The following PALM variants were observed in gnomAD, a reference collection of about 807,000 sequenced individuals.
PALM encodes the protein paralemmin.
PALM carries 18 observed loss-of-function variants against 30.7 expected under a neutral mutation model. The observed-to-expected ratio is 0.59, with a 90% CI of 0.41 to 0.87. PALM has a LOEUF of 0.87. Among genes scored for constraint, PALM ranks in the 40% least tolerant of loss-of-function variants. The probability of loss-of-function intolerance (pLI) is 0.00; values close to 1 mark genes in which losing one functional copy is unlikely to be tolerated. For missense variants in PALM, 529 were observed against 555.4 expected, an observed-to-expected ratio of 0.95 and a Z score of 0.48; for synonymous variants, 286 against 242.8, an observed-to-expected ratio of 1.18 and a Z score of -1.66.
chr19:713,747 T>G (rs2032160615), intron 1 of PALM, among the ~76,000 whole-genome samples: 1 of 151,374 alleles, frequency 6.6e-6, no homozygotes, highest in South Asian at 2.1e-4. Flanking sequence ...CCTGGCTAAT[T>G]TTTTGTATAT....
chr19:735,126 C>T (rs998769250), intron 6 of PALM: 3 of 711,198 alleles, frequency 4.2e-6, no homozygotes, highest in South Asian at 5.1e-5. Context: ...TGTGTCTGTG[C>T]GGGGCCTGTG....
Position 709,917 on chromosome 19 carries a change from G to T in PALM, c.5+766G>T, listed in dbSNP as rs934358407. Among the ~76,000 whole-genome samples the T allele has an allele frequency of 6.6e-6, 1 of 152,124 alleles. No homozygotes were observed. The highest frequency in any genetic ancestry group is 2.4e-5 in the African/African-American group (1 of 41,440). ...ATGGCTGCGCCTGTGTGTGTGGGGG[G>T]GGGGTGGCCAGTGGAGGCACCGAGC... On this transcript the variant is annotated intron_variant, in intron 1 of 8. Transcript: ENST00000338448. This position sits in a 1 kb window ranked among gnomAD's most constrained non-coding sequence, Gnocchi z 4.3.
intron 7 of PALM, among the ~76,000 whole-genome samples, chr19:739,975 A>T (rs964562271): frequency 6.6e-6 from 1 of 152,230 alleles, no homozygotes; most frequent in Non-Finnish European, 1.5e-5. Flanking sequence ...CAAAAAAATT[A>T]AAAAGATCCG....
intron 8 of PALM, 44 bp downstream of exon 8, chr19:740,527 G>C: frequency 6.6e-7 from 1 of 1,522,990 alleles, no homozygotes; most frequent in African/African-American, 1.4e-5. Context: ...CTGGGCCAGA[G>C]CCCCGAACAC....
chr19:712,755 A>C (rs1011268485), intron 1 of PALM, among the ~76,000 whole-genome samples: 9 of 150,260 alleles, frequency 6.0e-5, no homozygotes, highest in African/African-American at 2.2e-4. Flanking sequence ...GGCTCACTGC[A>C]ACCTCTGCCT....
At chr19:734,973 A>T in intron 6 of PALM, 1 of 633,468 alleles carries the variant, frequency 1.6e-6, no homozygotes, top group African/African-American at 2.0e-5. Context: ...TTCTTGTCTT[A>T]CTGTAGAATT....
At position 709,597 on chromosome 19, in the gene PALM, C is replaced by T. The variant is rs1390571678; in HGVS notation, c.5+446C>T. Among the ~76,000 whole-genome samples the T allele has an allele frequency of 6.6e-6, 1 of 151,838 alleles. No homozygotes were observed. The highest frequency in any genetic ancestry group is 1.5e-5 in the Non-Finnish European group (1 of 67,854). ...CCCGCCCCAGTCTGAGCGCACGGCT[C>T]CTGGCGCCCTGGACGCGCGCGCGGG... On this transcript the variant is annotated intron_variant, in intron 1 of 8. Coordinates refer to ENST00000338448, the MANE Select transcript of PALM (RefSeq NM_002579.3). The surrounding 1 kb of genome is among the most constrained non-coding windows in gnomAD (Gnocchi z 4.3).
Position 709,577 on chromosome 19 carries a change from C to G in PALM, c.5+426C>G. On this transcript the variant is annotated intron_variant, in intron 1 of 8. Transcript: ENST00000338448. The surrounding 1 kb of genome is among the most constrained non-coding windows in gnomAD (Gnocchi z 4.3). ...TCGCGCTCACGCACCCTTCCCCCGCCCCAGTCTGAGCGCACGGCTCCTGGC... is the reference window on the plus strand; with the variant it reads ...TCGCGCTCACGCACCCTTCCCCCGCGCCAGTCTGAGCGCACGGCTCCTGGC... 6.6e-6 allele frequency among the ~76,000 whole-genome samples: 1 copy of G among 152,094 alleles called. No individual in the cohort carries two copies. Among genetic ancestry groups the G allele is most frequent in the African/African-American group, 2.4e-5 (1 of 41,452 alleles).
At chr19:713,621 C>A (rs1216224430) in intron 1 of PALM, among the ~76,000 whole-genome samples, 1 of 152,228 alleles carries the variant, frequency 6.6e-6, no homozygotes, top group Non-Finnish European at 1.5e-5. Flanking sequence ...CGCTGTCACC[C>A]AGGCTGGAGC....
intron 1 of PALM, among the ~76,000 whole-genome samples, chr19:712,629 T>C (rs11666809): frequency 0.4 from 60,386 of 151,512 alleles, 12,413 homozygotes; most frequent in Middle Eastern, 0.48. Flanking sequence ...GTGATCCACC[T>C]GCCTTGGCCT....
chr19:737,069 G>T (rs1461660838), intron 7 of PALM, among the ~76,000 whole-genome samples: 1 of 152,226 alleles, frequency 6.6e-6, no homozygotes, highest in Admixed American at 6.5e-5. Context: ...AGGCAGCAAG[G>T]CAGGGAGGTG....
chr19:738,264 C>T (rs1285664831), intron 7 of PALM, among the ~76,000 whole-genome samples: 2 of 152,128 alleles, frequency 1.3e-5, no homozygotes, highest in African/African-American at 4.8e-5. Flanking sequence ...TGGTGGCTCA[C>T]CCCTGTAATC....
intron 1 of PALM, among the ~76,000 whole-genome samples, chr19:717,653 C>T (rs2032309999): frequency 6.6e-6 from 1 of 151,574 alleles, no homozygotes. Context: ...TCCTACTTTA[C>T]ATAAGTGTAA....
At chr19:740,611 T>G (rs2033160606) in intron 8 of PALM, 128 bp downstream of exon 8, 7 of 930,354 alleles carry the variant, frequency 7.5e-6, no homozygotes, top group Non-Finnish European at 9.5e-6. Flanking sequence ...CAGATGACGC[T>G]GTTCAGGCCA....
rs1028130156 is a variant in PALM at position 746,966 on chromosome 19, A to T, written c.*152A>T. 2 of 621,638 alleles carry T rather than the reference A, an allele frequency of 3.2e-6. No individual in the cohort carries two copies. Among genetic ancestry groups the T allele is most frequent in the Non-Finnish European group, 2.8e-6 (1 of 357,592 alleles). The allele number at this position is 621,638 out of a possible 1,614,324, so 38.5% of individuals were successfully genotyped here. A position where few individuals can be genotyped will look rare whatever the true frequency, so the allele number is the denominator to read the frequency against. Reference sequence around the variant, plus strand: ...CCTTCCGAGTTTTCTTTCGCTGGAAAGAGGGACAGGGGCCCCCACCCGTCA... The same window carrying T: ...CCTTCCGAGTTTTCTTTCGCTGGAATGAGGGACAGGGGCCCCCACCCGTCA... On this transcript the variant is annotated 3_prime_UTR_variant, in exon 9 of 9. Coordinates refer to ENST00000338448, the MANE Select transcript of PALM (RefSeq NM_002579.3). This position sits in a 1 kb window ranked among gnomAD's most constrained non-coding sequence, Gnocchi z 7.1.
chr19:743,515 T>C (rs1022200916), intron 8 of PALM, among the ~76,000 whole-genome samples: 1 of 152,214 alleles, frequency 6.6e-6, no homozygotes, highest in African/African-American at 2.4e-5. Flanking sequence ...CCCAAAGTCA[T>C]TGAGATGCCT....
At chr19:737,778 C>T (rs564101502) in intron 7 of PALM, among the ~76,000 whole-genome samples, 8 of 151,694 alleles carry the variant, frequency 5.3e-5, no homozygotes, top group East Asian at 3.9e-4. Flanking sequence ...GCTGGAGCAG[C>T]GTGAGGAGGG....
At chr19:743,934 A>C (rs2033261393) in intron 8 of PALM, among the ~76,000 whole-genome samples, 1 of 152,016 alleles carries the variant, frequency 6.6e-6, no homozygotes, top group Non-Finnish European at 1.5e-5. Flanking sequence ...ACATTGTCAG[A>C]AAGTGACCAC....
intron 8 of PALM, 84 bp downstream of exon 8, chr19:740,567 T>G: frequency 7.8e-7 from 1 of 1,279,480 alleles, no homozygotes. Context: ...GTCTGGCGTC[T>G]GCCCCGGAAT....
Sources: allele counts gnomAD v4.1 joint callset (sites outside exome capture counted in the v4.1 genomes callset), GRCh38; gene constraint gnomAD v4.1.1; non-coding constraint Gnocchi (gnomAD v3.1); transcripts MANE v1.5; gene names NCBI Gene and HGNC (gene_info 2026-07-23, HGNC 2026-07-21).